The following ADGRD1 variants were observed in gnomAD, a reference collection of about 807,000 sequenced individuals.
ADGRD1 encodes the protein G-protein coupled receptor 133.
Under a neutral mutation model 113.4 loss-of-function variants are expected in ADGRD1, and 77 were observed. The observed-to-expected ratio is 0.68, with a 90% CI of 0.57 to 0.82. The LOEUF (loss-of-function observed/expected upper bound fraction) is 0.82, where lower values mean the gene tolerates loss of function less well. ADGRD1 is among the 40% of genes least tolerant of loss of function. The pLI is 0.00. For missense variants in ADGRD1, 1,036 were observed against 1,139.1 expected (o/e 0.91, Z 1.30); for synonymous variants, 474 against 475.0 (o/e 1.00, Z 0.03).
chr12:131,008,743 G>A (rs141958013), intron 12 of ADGRD1, among the ~76,000 whole-genome samples: 96 of 152,338 alleles, frequency 6.3e-4, no homozygotes, highest in African/African-American at 2.2e-3. Context: ...AGCCAGCACC[G>A]GGACAGCCGG....
At chr12:131,103,095 G>C (rs541789722) in intron 15 of ADGRD1, among the ~76,000 whole-genome samples, 15 of 152,356 alleles carry the variant, frequency 9.8e-5, no homozygotes, top group African/African-American at 3.4e-4. Context: ...CACAACGTCC[G>C]TGGAGAGGGA....
chr12:131,030,077 G>A (rs12815490), intron 13 of ADGRD1, among the ~76,000 whole-genome samples: 2 of 119,146 alleles, frequency 1.7e-5, no homozygotes, highest in Admixed American at 9.1e-5. Context: ...TTGTGGACCC[G>A]TCGTAGGTGA....
intron 13 of ADGRD1, chr12:131,069,676 G>C (rs1453506052): frequency 1.3e-4 from 20 of 152,550 alleles, no homozygotes; most frequent in Admixed American, 1.3e-3. Flanking sequence ...TGAGCAGAAA[G>C]GTAGTTTATT....
Position 131,113,156 on chromosome 12 carries a change from A to T in ADGRD1, c.2041+4279A>T, listed in dbSNP as rs538258242. 5.9e-5 allele frequency among the ~76,000 whole-genome samples: 9 copies of T among 152,240 alleles called. No individual in the cohort carries two copies. Among genetic ancestry groups the T allele is most frequent in the Non-Finnish European group, 8.8e-5 (6 of 68,006 alleles). On this transcript the variant is annotated intron_variant, in intron 18 of 24. Coordinates refer to ENST00000261654, the MANE Select transcript of ADGRD1 (RefSeq NM_198827.5). This position sits in a 1 kb window ranked among gnomAD's most constrained non-coding sequence, Gnocchi z 4.9. ...GCAGGTTTTGGCTGAAGTGCCACAG[A>T]CTCAGTCTTCTTAACAAGATTTAGT... is the stretch of plus-strand genomic sequence containing the variant.
rs563444111 is a variant in ADGRD1, at chr12:131,041,735, C to T, written c.1473+27395C>T. On this transcript the variant is annotated intron_variant, in intron 13 of 24. Transcript: ENST00000261654. This position sits in a 1 kb window ranked among gnomAD's most constrained non-coding sequence, Gnocchi z 4.4. The stretch of plus-strand genomic sequence containing the variant: ...AGCAGTTCCCGGGGAACACACTGCA[C>T]GCTGTTGCCGCAGCCTCCCCCTGCC... Among the ~76,000 whole-genome samples the T allele has an allele frequency of 1.1e-3, 160 of 152,316 alleles. No individual in the cohort carries two copies. Among genetic ancestry groups the T allele is most frequent in the African/African-American group, 3.7e-3 (155 of 41,570 alleles).
chr12:131,008,412 A>C (rs1237685776), intron 12 of ADGRD1, among the ~76,000 whole-genome samples: 3 of 152,200 alleles, frequency 2.0e-5, no homozygotes, highest in Non-Finnish European at 2.9e-5. Context: ...TGAGGATGAA[A>C]GGATGCTTTG....
intron 2 of ADGRD1, among the ~76,000 whole-genome samples, chr12:130,961,819 A>C (rs1870399857): frequency 1.3e-5 from 2 of 152,044 alleles, no homozygotes; most frequent in African/African-American, 4.8e-5. Context: ...ATTTTGATAG[A>C]TTTTGCTTTA....
chr12:130,997,895 G>C (rs1273545877), intron 8 of ADGRD1, among the ~76,000 whole-genome samples: 3 of 152,226 alleles, frequency 2.0e-5, no homozygotes, highest in African/African-American at 7.2e-5. Flanking sequence ...TCACGCCACT[G>C]CACTCCAGCC....
intron 13 of ADGRD1, among the ~76,000 whole-genome samples, chr12:131,048,362 A>G (rs553252865): frequency 2.6e-5 from 4 of 152,150 alleles, no homozygotes; most frequent in South Asian, 2.1e-4. Context: ...GAGTGCACCT[A>G]TGTCTGTCGT....
chr12:131,076,734 A>G (rs1885650073), intron 13 of ADGRD1, 67 bp from the exon 14 acceptor site: 1 of 1,367,168 alleles, frequency 7.3e-7, no homozygotes, highest in South Asian at 1.2e-5. Context: ...TCGCTCTCAC[A>G]TCAGTGCTGA....
chr12:130,995,076 C>G (rs1875057229), intron 8 of ADGRD1, among the ~76,000 whole-genome samples: 1 of 152,210 alleles, frequency 6.6e-6, no homozygotes, highest in African/African-American at 2.4e-5. Flanking sequence ...TCATTGTGGC[C>G]CACACCACCC....
At chr12:131,009,685 G>C (rs1877621294) in intron 12 of ADGRD1, among the ~76,000 whole-genome samples, 1 of 147,206 alleles carries the variant, frequency 6.8e-6, no homozygotes, top group South Asian at 2.1e-4. Flanking sequence ...GTATGTGCTT[G>C]TGTGGTGTAT....
chr12:131,110,860 C>T (rs1033701795), intron 18 of ADGRD1, among the ~76,000 whole-genome samples: 2 of 152,152 alleles, frequency 1.3e-5, no homozygotes, highest in African/African-American at 2.4e-5. Context: ...CTTTATTTCA[C>T]CTTCATTTTT....
intron 15 of ADGRD1, among the ~76,000 whole-genome samples, chr12:131,097,232 G>C (rs752504427): frequency 6.6e-6 from 1 of 152,212 alleles, no homozygotes; most frequent in Non-Finnish European, 1.5e-5. Context: ...AGGGGAGACA[G>C]CAGGAGCCCC....
At chr12:131,045,095 C>T (rs376207691) in intron 13 of ADGRD1, among the ~76,000 whole-genome samples, 9 of 152,246 alleles carry the variant, frequency 5.9e-5, no homozygotes, top group African/African-American at 2.2e-4. Flanking sequence ...ATGCGAATGG[C>T]TGCTGTCCAG....
intron 4 of ADGRD1, 111 bp from the exon 5 acceptor site, chr12:130,981,773 T>G: frequency 1.4e-6 from 1 of 728,966 alleles, no homozygotes; most frequent in Non-Finnish European, 2.3e-6. Flanking sequence ...GCCTTTAGAA[T>G]GGGGACAAAA....
intron 13 of ADGRD1, among the ~76,000 whole-genome samples, chr12:131,048,265 C>T (rs375218931): frequency 2.2e-3 from 334 of 152,364 alleles, no homozygotes; most frequent in African/African-American, 7.5e-3. Flanking sequence ...CAGCGGACGG[C>T]ACGGTGGGTG....
rs570801663 is a variant in ADGRD1, at chr12:131,083,444, T to C, written c.1548-1096T>C. Among the ~76,000 whole-genome samples the C allele has an allele frequency of 5.9e-5, 9 of 151,994 alleles. No homozygotes were observed. In the East Asian group the frequency reaches 1.6e-3, roughly 26 times the overall value. On this transcript the variant is annotated intron_variant, in intron 14 of 24. Coordinates refer to ENST00000261654, the MANE Select transcript of ADGRD1 (RefSeq NM_198827.5). The stretch of plus-strand genomic sequence containing the variant: ...TAGCAAGACTATATCTCTACAAAAA[T>C]AAAAAGAAAAGTATTAATTGGGCAC...
chr12:130,985,558 T>G (rs145285074), intron 5 of ADGRD1, among the ~76,000 whole-genome samples: 4 of 51,634 alleles, frequency 7.7e-5, no homozygotes, highest in South Asian at 2.4e-3. Context: ...ATTTTTTTTT[T>G]GTTTTTTTTG....
Sources: gnomAD v4.1 joint callset for allele counts (sites outside exome capture counted in the v4.1 genomes callset) on GRCh38, gnomAD v4.1.1 for gene constraint, Gnocchi (gnomAD v3.1) non-coding constraint, MANE v1.5 for transcripts, NCBI Gene and HGNC (gene_info 2026-07-23, HGNC 2026-07-21) for gene names.